HELZ: variants seen among roughly 807,000 people sequenced by gnomAD.
HELZ encodes helicase with zinc finger.
HELZ carries 23 observed loss-of-function variants against 218.2 expected under a neutral mutation model. The ratio of observed to expected loss-of-function variants is 0.11; its 90% CI spans 0.08 to 0.15. The LOEUF is 0.15. Ranked by LOEUF, HELZ falls within the 10% of genes least tolerant of loss-of-function variation. The pLI, the probability that HELZ is intolerant of heterozygous loss-of-function variation, is 1.00. For synonymous variants in HELZ, 814 were observed against 829.4 expected, an observed-to-expected ratio of 0.98 and a Z score of 0.32; for missense variants, 1,813 against 2,353.7, an observed-to-expected ratio of 0.77 and a Z score of 4.75.
chr17:67,144,750 A>G (rs1205020378), intron 21 of HELZ, among the ~76,000 whole-genome samples: 1 of 152,052 alleles, frequency 6.6e-6, no homozygotes, highest in Non-Finnish European at 1.5e-5. Context: ...CCTCCCACCC[A>G]TACCATGGCT....
chr17:67,215,190 T>C (rs548766572), intron 5 of HELZ, among the ~76,000 whole-genome samples: 1 of 152,046 alleles, frequency 6.6e-6, no homozygotes, highest in Non-Finnish European at 1.5e-5. Flanking sequence ...AAGAGCATTC[T>C]AGCTAGTCTC....
intron 31 of HELZ, among the ~76,000 whole-genome samples, chr17:67,100,992 C>T (rs1375595904): frequency 1.3e-5 from 2 of 151,738 alleles, no homozygotes; most frequent in Non-Finnish European, 2.9e-5. Flanking sequence ...TACCTGTAGT[C>T]CCAGCTACTC....
At chr17:67,100,884 A>G (rs2036904540) in intron 31 of HELZ, among the ~76,000 whole-genome samples, 1 of 151,974 alleles carries the variant, frequency 6.6e-6, no homozygotes, top group East Asian at 1.9e-4. Context: ...GCGGATCACG[A>G]GGTCAGGAGA....
chr17:67,195,664 G>C (rs2040004013), intron 7 of HELZ, among the ~76,000 whole-genome samples, 194 bp from the exon 8 acceptor site: 1 of 151,740 alleles, frequency 6.6e-6, no homozygotes, highest in Non-Finnish European at 1.5e-5. Context: ...ATATTTGTGA[G>C]GCTCTCATTA....
chr17:67,244,024 G>C (rs2041396408), intron 1 of HELZ, 185 bp from the exon 2 acceptor site: 1 of 978,618 alleles, frequency 1.0e-6, no homozygotes, highest in Non-Finnish European at 1.2e-6. Flanking sequence ...CTTTCAGTAA[G>C]GTAAAAGAAT....
chr17:67,223,266 G>C (rs532551985), intron 3 of HELZ, among the ~76,000 whole-genome samples: 1 of 150,966 alleles, frequency 6.6e-6, no homozygotes, highest in East Asian at 2.0e-4. Flanking sequence ...TCTCAAAAAA[G>C]AAAAAAAGAA....
At position 67,109,629 on chromosome 17, in the gene HELZ, AAAC is replaced by A; in HGVS notation, c.3973_3975del (p.Val1325del). 1 of 1,614,146 alleles carries A rather than the reference AAAC, an allele frequency of 6.2e-7. No homozygotes were observed. Among genetic ancestry groups the A allele is most frequent in the Non-Finnish European group, 8.5e-7 (1 of 1,180,002 alleles). ...TTGCGAGGAAATTTGGTACTGGGATAAACAACACTAGGACGTGATTCAGGACTT... is the reference window on the plus strand; with the variant it reads ...TTGCGAGGAAATTTGGTACTGGGATAAACACTAGGACGTGATTCAGGACTT... On this transcript the variant is annotated inframe_deletion, in exon 29 of 33. Coordinates refer to ENST00000358691, the MANE Select transcript of HELZ (RefSeq NM_014877.4).
intron 15 of HELZ, among the ~76,000 whole-genome samples, chr17:67,161,802 T>C (rs2039001750): frequency 6.6e-6 from 1 of 152,198 alleles, no homozygotes; most frequent in Non-Finnish European, 1.5e-5. Context: ...CTTCTATGAC[T>C]TGGCTAAGTT....
At position 67,117,388 on chromosome 17, in the gene HELZ, T is replaced by A. The variant is rs570996947; in HGVS notation, c.3839-2985A>T. ...TTTCTAAATAATCCATGGGTCTAAT[T>A]TCAAGAGAAATTAGGAAGCATACTG... is the stretch of plus-strand genomic sequence containing the variant. On this transcript the variant is annotated intron_variant, in intron 27 of 32. Coordinates refer to ENST00000358691, the MANE Select transcript of HELZ (RefSeq NM_014877.4). Among the ~76,000 whole-genome samples, 6 of 152,226 alleles carry A rather than the reference T, an allele frequency of 3.9e-5. No individual in the cohort carries two copies. In the East Asian group the frequency reaches 1.2e-3, roughly 29 times the overall value.
At position 67,087,066 on chromosome 17, in the gene HELZ, G is replaced by T; in HGVS notation, c.5257C>A (p.Pro1753Thr). The change falls in exon 32 of 33, where the codon CCT becomes ACT. Residue 1753 changes from proline to threonine, a missense_variant. Around this residue, in one of 4 missense-constraint regions of HELZ, gnomAD observed 938 missense variants for 1,027.5 expected, o/e 0.91. Transcript: ENST00000358691. The part of the protein sequence containing the change: ...PSLEEYEPRG[P>T]GRPLYQRRIS... ...CTTCTTTGGTACAAGGGCCGACCAG[G>T]TCCTCTGGGCTCATACTACACAAAG... 1 of 1,613,850 alleles carries T rather than the reference G, an allele frequency of 6.2e-7. No homozygotes were observed. Among genetic ancestry groups the T allele is most frequent in the East Asian group, 2.2e-5 (1 of 44,894 alleles).
chr17:67,119,186 T>C (rs980624999), intron 27 of HELZ, among the ~76,000 whole-genome samples: 4 of 152,168 alleles, frequency 2.6e-5, no homozygotes, highest in African/African-American at 9.7e-5. Context: ...AATAAAAACA[T>C]GTTCACATGT....
chr17:67,122,832 T>C, intron 26 of HELZ, 138 bp downstream of exon 26: 1 of 586,672 alleles, frequency 1.7e-6, no homozygotes, highest in South Asian at 2.6e-5. Flanking sequence ...AGAGGTAACA[T>C]TTGCTTTAAA....
At chr17:67,233,236 C>G (rs1473504300) in intron 3 of HELZ, among the ~76,000 whole-genome samples, 1 of 152,188 alleles carries the variant, frequency 6.6e-6, no homozygotes, top group African/African-American at 2.4e-5. Context: ...CCCTGTGATC[C>G]CAGCTACTTG....
In HELZ at chr17:67,107,397, A is replaced by T. The variant is rs1411479219; in HGVS notation, c.5013T>A (p.Pro1671=). 1 of 1,614,102 alleles carries T rather than the reference A, an allele frequency of 6.2e-7. No individual in the cohort carries two copies. The highest frequency in any genetic ancestry group is 1.7e-5 in the Admixed American group (1 of 60,012). Residue 1671 remains proline (P), a synonymous_variant, in exon 31 of 33, where the codon CCT becomes CCA. Coordinates refer to ENST00000358691, the MANE Select transcript of HELZ (RefSeq NM_014877.4). ...CAGGTGCCAGGTATTTCAAGGGAGG[A>T]GGGGCAAGGTGTTCAGATGGCAACG... ...PFSLPSEHLA[P]PPLKYLAPDG...
chr17:67,199,287 A>G (rs1191664266), intron 7 of HELZ, among the ~76,000 whole-genome samples: 3 of 144,578 alleles, frequency 2.1e-5, no homozygotes, highest in Non-Finnish European at 4.5e-5. Context: ...ATCTCAGCTC[A>G]CTGCAACTTC....
At chr17:67,094,715 A>G (rs1157263511) in intron 31 of HELZ, among the ~76,000 whole-genome samples, 2 of 152,198 alleles carry the variant, frequency 1.3e-5, no homozygotes, top group Non-Finnish European at 2.9e-5. Context: ...ATTTGAGCCC[A>G]TGAGTTTGAG....
At chr17:67,204,455 TTC>T (rs1450513267) in intron 5 of HELZ, among the ~76,000 whole-genome samples, 1 of 152,192 alleles carries the variant, frequency 6.6e-6, no homozygotes, top group African/African-American at 2.4e-5. Flanking sequence ...ACAGTTTGTA[TTC>T]TTTTTTGCCC....
In HELZ at chr17:67,075,712, G is replaced by A. The variant is rs1162233747; in HGVS notation, c.*2540C>T. ...TGTAATGCTGAGGAAGAGTAAGCTT[G>A]TTGTAAGTCAAAATAAGCATTTGAT... On this transcript the variant is annotated 3_prime_UTR_variant, in exon 33 of 33. Transcript: ENST00000358691. 1 of 152,258 alleles carries A rather than the reference G, an allele frequency of 6.6e-6. No homozygotes were observed. Among genetic ancestry groups the A allele is most frequent in the Non-Finnish European group, 1.5e-5 (1 of 68,036 alleles). 9.4% of individuals were successfully genotyped at this position (152,258 alleles called of 1,614,324 possible).
chr17:67,220,870 G>C (rs957717331), intron 3 of HELZ, among the ~76,000 whole-genome samples: 1 of 119,904 alleles, frequency 8.3e-6, no homozygotes, highest in African/African-American at 3.5e-5. Context: ...CAAAAAAAAA[G>C]AGTACTGTAT....
Sources: gnomAD v4.1 joint callset for allele counts (sites outside exome capture counted in the v4.1 genomes callset) on GRCh38, gnomAD v4.1.1 for gene constraint, gnomAD v4.1.1 regional missense constraint, MANE v1.5 for transcripts, NCBI Gene and HGNC (gene_info 2026-07-23, HGNC 2026-07-21) for gene names.